Variants in ACOT1 observed in about 807,000 individuals in gnomAD.
ACOT1 encodes the protein acyl-CoA thioesterase 1, also known as acyl-coenzyme A thioesterase 1.
ACOT1 carries 8 observed loss-of-function variants against 15.7 expected under a neutral mutation model. That is an observed-to-expected ratio of 0.51 (90% CI 0.30 to 0.92). The LOEUF (loss-of-function observed/expected upper bound fraction) is 0.92. Among genes scored for constraint, ACOT1 ranks in the 40% least tolerant of loss-of-function variants. ACOT1 has a pLI of 0.06. For synonymous variants in ACOT1, 67 were observed against 241.2 expected, an observed-to-expected ratio of 0.28 and a Z score of 6.69; for missense variants, 151 against 539.4, an observed-to-expected ratio of 0.28 and a Z score of 7.13.
At chr14:73,533,213 C>T (rs1407376378), upstream of ACOT1, among the ~76,000 whole-genome samples, 16 of 113,836 alleles carry the variant, frequency 1.4e-4, 4 homozygotes, top group Non-Finnish European at 2.5e-4. Flanking sequence ...CTTCTGGGTA[C>T]ATATCCAAAA....
At chr14:73,498,165 C>T in the ACOT1 span, 6 of 1,611,182 alleles carry the variant, frequency 3.7e-6, no homozygotes, top group Non-Finnish European at 5.1e-6. Context: ...TTTAGAACAG[C>T]ATCGTGGTTC....
chr14:73,534,851 A>G (rs1234087360), upstream of ACOT1, among the ~76,000 whole-genome samples: 4 of 103,324 alleles, frequency 3.9e-5, 2 homozygotes, highest in Admixed American at 4.6e-4. Flanking sequence ...TCTGTTGCCC[A>G]AGCTGGTATC....
the ACOT1 span, chr14:73,492,663 A>G: frequency 1.9e-5 from 30 of 1,613,894 alleles, no homozygotes; most frequent in South Asian, 7.7e-5. The surrounding 1 kb of genome is among the most constrained non-coding windows in gnomAD (Gnocchi z 4.9). Flanking sequence ...ACAGAAGTCC[A>G]TATGCTTCAG....
the ACOT1 span, chr14:73,496,561 C>A: frequency 2.3e-6 from 3 of 1,278,770 alleles, no homozygotes; most frequent in Non-Finnish European, 3.4e-6. Flanking sequence ...TCTTGAGAGT[C>A]CTGAATTTTC....
At chr14:73,528,570 C>T in the ACOT1 span, among the ~76,000 whole-genome samples, 1,916 of 152,044 alleles carry the variant, frequency 0.013, 40 homozygotes, top group African/African-American at 0.045. Flanking sequence ...CTTGGAGTCA[C>T]GGGACAGGTG....
At chr14:73,514,609 G>A in the ACOT1 span, among the ~76,000 whole-genome samples, 2 of 152,150 alleles carry the variant, frequency 1.3e-5, no homozygotes, top group Admixed American at 6.5e-5. Context: ...AGTGTCATTG[G>A]CCATTATTTC....
the ACOT1 span, chr14:73,493,166 A>G: frequency 6.4e-7 from 1 of 1,551,142 alleles, no homozygotes; most frequent in African/African-American, 1.4e-5. Flanking sequence ...GTGGAAAAAA[A>G]ACCCTTGATC....
chr14:73,506,802 C>CTCTTTTT, the ACOT1 span, among the ~76,000 whole-genome samples: 3 of 58,056 alleles, frequency 5.2e-5, no homozygotes, highest in Admixed American at 2.1e-4. Context: ...CTGACTTTAA[C>CTCTTTTT]TGTTTTTTTT....
At chr14:73,511,565 A>AAAT in the ACOT1 span, among the ~76,000 whole-genome samples, 524 of 124,642 alleles carry the variant, frequency 4.2e-3, 2 homozygotes, top group Middle Eastern at 0.015. Context: ...ATAAATAAAT[A>AAAT]AAATAAAATA....
chr14:73,519,058 G>C, the ACOT1 span: 1 of 1,613,714 alleles, frequency 6.2e-7, no homozygotes, highest in Non-Finnish European at 8.5e-7. Flanking sequence ...CCACTTTTCT[G>C]GAGTTTCAGG....
the ACOT1 span, among the ~76,000 whole-genome samples, chr14:73,517,677 AAAAAG>A: frequency 6.7e-6 from 1 of 150,122 alleles, no homozygotes; most frequent in East Asian, 1.9e-4. Flanking sequence ...AAAAAAAAAA[AAAAAG>A]AAGAAGAAAA....
At position 73,539,927 on chromosome 14, in the gene ACOT1, C is replaced by T. The variant is rs545597002; in HGVS notation, c.458-1566C>T. 1.0e-4 allele frequency: 12 copies of T among 116,106 alleles called. 2 individuals carry two copies. The South Asian group carries it at 3.3e-3, about 31-fold the overall frequency. The allele number at this position is 116,106 out of a possible 1,614,324, so 7.2% of individuals were successfully genotyped here. ...TAAATTAGCATTTACAATAGGAAAG[C>T]CTCTTCCTGTCAAATGGAAATTTGA... On this transcript the variant is annotated intron_variant, in intron 1 of 2. Coordinates refer to ENST00000311148, the MANE Select transcript of ACOT1 (RefSeq NM_001037161.2).
the ACOT1 span, chr14:73,523,133 C>T: frequency 5.9e-5 from 95 of 1,600,966 alleles, no homozygotes; most frequent in African/African-American, 1.0e-3. Context: ...AAAGGTCTTT[C>T]CCTTCTGGGT....
chr14:73,512,696 T>A, the ACOT1 span, among the ~76,000 whole-genome samples: 1 of 152,234 alleles, frequency 6.6e-6, no homozygotes, highest in Non-Finnish European at 1.5e-5. Flanking sequence ...TTAGGTTCTT[T>A]GTCTTTGAGG....
chr14:73,541,369 G>C lies in ACOT1; in HGVS notation c.458-124G>C. 10 of 820,078 alleles carry C rather than the reference G, an allele frequency of 1.2e-5. 2 individuals are homozygous for C. The South Asian group carries it at 1.6e-4, about 13-fold the overall frequency. 50.8% of individuals were successfully genotyped at this position (820,078 alleles called of 1,614,324 possible). ...GAACACAGGTTTTCATTTCTCGTGG[G>C]TAGATACCTAGGAGTGGGATTGCTG... On this transcript the variant is annotated intron_variant, in intron 1 of 2. Transcript: ENST00000311148.
At chr14:73,512,080 C>T in the ACOT1 span, 20 of 1,614,124 alleles carry the variant, frequency 1.2e-5, no homozygotes, top group East Asian at 6.7e-5. Flanking sequence ...AGCTTTGATC[C>T]GAACGTCATC....
chr14:73,507,093 G>A, the ACOT1 span, among the ~76,000 whole-genome samples: 31 of 151,698 alleles, frequency 2.0e-4, no homozygotes, highest in Non-Finnish European at 3.5e-4. Flanking sequence ...GTGAGCCACC[G>A]TGCCCGGCCT....
At chr14:73,495,240 C>T in the ACOT1 span, 1 of 1,613,308 alleles carries the variant, frequency 6.2e-7, no homozygotes, top group Non-Finnish European at 8.5e-7. Flanking sequence ...TGAAAAGTTT[C>T]TTGGAGTAAA....
At chr14:73,492,320 A>G in the ACOT1 span, 6 of 1,614,046 alleles carry the variant, frequency 3.7e-6, no homozygotes, top group Non-Finnish European at 5.1e-6. The surrounding 1 kb of genome is among the most constrained non-coding windows in gnomAD (Gnocchi z 4.9). Flanking sequence ...CTTAGAGGCC[A>G]TACTGCCTCT....
Sources: allele counts gnomAD v4.1 joint callset (sites outside exome capture counted in the v4.1 genomes callset), GRCh38; gene constraint gnomAD v4.1.1; non-coding constraint Gnocchi (gnomAD v3.1); transcripts MANE v1.5; gene names NCBI Gene and HGNC (gene_info 2026-07-23, HGNC 2026-07-21).